GOSR2: variants seen among roughly 807,000 people sequenced by gnomAD.
The protein encoded by GOSR2 is golgi SNAP receptor complex member 2.
In GOSR2, 20 loss-of-function variants were observed where a neutral mutation model predicts 27.9. The observed-to-expected ratio is 0.72, with a 90% CI of 0.50 to 1.04. GOSR2 has a LOEUF of 1.04. Among genes scored for constraint, GOSR2 ranks in the 50% least tolerant of loss-of-function variants. The probability of loss-of-function intolerance (pLI) is 0.00; values close to 1 mark genes in which losing one functional copy is unlikely to be tolerated. For missense variants in GOSR2, 261 were observed against 270.5 expected (o/e 0.97, Z 0.25); for synonymous variants, 91 against 98.8 (o/e 0.92, Z 0.47).
chr17:46,955,023 A>G (rs1271455155), intron 6 of GOSR2, among the ~76,000 whole-genome samples: 1 of 152,158 alleles, frequency 6.6e-6, no homozygotes, highest in Non-Finnish European at 1.5e-5. Context: ...CTTCTGCCTG[A>G]TTGCCCTGGC....
chr17:46,965,362 G>T (rs767817307), intron 6 of GOSR2, among the ~76,000 whole-genome samples: 3 of 152,230 alleles, frequency 2.0e-5, no homozygotes, highest in Non-Finnish European at 4.4e-5. Flanking sequence ...GACAAGAAGT[G>T]CTGGGACAAG....
chr17:46,940,545 T>A lies in GOSR2; in HGVS notation c.*1785T>A, dbSNP rs1226288180. 1 of 1,614,072 alleles carries A rather than the reference T, an allele frequency of 6.2e-7. No individual in the cohort carries two copies. Among genetic ancestry groups the A allele is most frequent in the African/African-American group, 1.3e-5 (1 of 74,938 alleles). Reference sequence around the variant, plus strand: ...TGAGACTGCGACGGCAAGGCTGTCCTGTCCCCCAGGCACCCAAGGATCCTG... The same window carrying A: ...TGAGACTGCGACGGCAAGGCTGTCCAGTCCCCCAGGCACCCAAGGATCCTG... On this transcript the variant is annotated 3_prime_UTR_variant, in exon 6 of 6. Coordinates refer to ENST00000640051, the MANE Select transcript of GOSR2 (RefSeq NM_004287.5).
downstream of GOSR2, among the ~76,000 whole-genome samples, chr17:46,945,644 G>A (rs984880918): frequency 2.0e-5 from 3 of 152,100 alleles, no homozygotes; most frequent in East Asian, 1.9e-4. Context: ...TTTCCAGCCC[G>A]AGCAACAGGA....
At chr17:46,928,891 T>TA (rs1338187365) in intron 1 of GOSR2, among the ~76,000 whole-genome samples, 1 of 152,138 alleles carries the variant, frequency 6.6e-6, no homozygotes, top group Non-Finnish European at 1.5e-5. Flanking sequence ...CCACATAACT[T>TA]ACCTGGTTTC....
At chr17:46,927,575 T>C (rs1457891146) in intron 1 of GOSR2, among the ~76,000 whole-genome samples, 2 of 152,256 alleles carry the variant, frequency 1.3e-5, no homozygotes, top group African/African-American at 4.8e-5. Context: ...ATGTGTTACC[T>C]GAGGTGGCCT....
chr17:46,943,059 C>T (rs757093313), downstream of GOSR2, among the ~76,000 whole-genome samples: 1 of 152,170 alleles, frequency 6.6e-6, no homozygotes, highest in East Asian at 1.9e-4. Context: ...GGAGTGCAGC[C>T]GGGGCATTGG....
At chr17:46,929,429 T>G in intron 1 of GOSR2, 91 bp from the exon 2 acceptor site, 2 of 767,070 alleles carry the variant, frequency 2.6e-6, no homozygotes, top group East Asian at 5.0e-5. Context: ...TTTAAATCAG[T>G]TACATGTTGG....
At chr17:46,929,469 G>A (rs1211524161) in intron 1 of GOSR2, 51 bp from the exon 2 acceptor site, 2 of 906,030 alleles carry the variant, frequency 2.2e-6, no homozygotes, top group Admixed American at 1.7e-5. Context: ...CCTGACTGAA[G>A]CGCTGTTGAT....
At chr17:46,928,915 C>T (rs984669341) in intron 1 of GOSR2, among the ~76,000 whole-genome samples, 2 of 152,120 alleles carry the variant, frequency 1.3e-5, no homozygotes, top group Admixed American at 1.3e-4. Context: ...TTCTCAGCCC[C>T]ACCCCTCTGT....
downstream of GOSR2, among the ~76,000 whole-genome samples, chr17:46,970,699 G>A (rs1313237182): frequency 6.6e-6 from 1 of 152,206 alleles, no homozygotes; most frequent in Admixed American, 6.5e-5. Flanking sequence ...CGGGGGCTCA[G>A]AGACCCGGAA....
intron 6 of GOSR2, among the ~76,000 whole-genome samples, chr17:46,965,324 A>T (rs2091266356): frequency 6.6e-6 from 1 of 152,228 alleles, no homozygotes; most frequent in Non-Finnish European, 1.5e-5. Context: ...TGCCCTGCTC[A>T]TGACAAAGCC....
chr17:46,941,997 TA>T lies in GOSR2; in HGVS notation c.*3240del, dbSNP rs2089344330. 2 of 975,508 alleles carry T rather than the reference TA, an allele frequency of 2.1e-6. No individual in the cohort carries two copies. The highest frequency in any genetic ancestry group is 6.2e-5 in the Admixed American group (1 of 16,260). 60.4% of individuals were successfully genotyped at this position (975,508 alleles called of 1,614,324 possible). On this transcript the variant is annotated 3_prime_UTR_variant, in exon 6 of 6. Transcript: ENST00000640051. Reference sequence around the variant, plus strand: ...AGAGCAAAACTTGTTAAGTCCAAAATAAATTCTTACTGTTTATATCCTACCT... The same window carrying T: ...AGAGCAAAACTTGTTAAGTCCAAAATAATTCTTACTGTTTATATCCTACCT...
chr17:46,926,052 C>A (rs1286903684), intron 1 of GOSR2, among the ~76,000 whole-genome samples: 1 of 152,172 alleles, frequency 6.6e-6, no homozygotes. Context: ...AGAAGCACTA[C>A]ATTTAACAAG....
chr17:46,970,208 A>C (rs1352489292), downstream of GOSR2, among the ~76,000 whole-genome samples: 2 of 152,166 alleles, frequency 1.3e-5, no homozygotes, highest in Non-Finnish European at 2.9e-5. Flanking sequence ...AAACAGGTAC[A>C]GCTTCCATCC....
chr17:46,962,781 T>G (rs3851785), intron 6 of GOSR2, among the ~76,000 whole-genome samples: 67,933 of 152,046 alleles, frequency 0.45, 15,401 homozygotes, highest in South Asian at 0.52. Flanking sequence ...TGAGCCCAGT[T>G]AACCTGCAGG....
rs1292053427 is a variant in GOSR2 at position 46,939,738 on chromosome 17, G to A, written c.*978G>A. ...CCGTGGAGACATCTGTAGTGTGTAT[G>A]TCCTTGTAACACTCTGTTTTCAGGG... is the stretch of plus-strand genomic sequence containing the variant. On this transcript the variant is annotated 3_prime_UTR_variant, in exon 6 of 6. Coordinates refer to ENST00000640051, the MANE Select transcript of GOSR2 (RefSeq NM_004287.5). 1 of 987,278 alleles carries A rather than the reference G, an allele frequency of 1.0e-6. No individual in the cohort carries two copies. The highest frequency in any genetic ancestry group is 1.2e-6 in the Non-Finnish European group (1 of 831,184). The allele number at this position is 987,278 out of a possible 1,614,324, so 61.2% of individuals were successfully genotyped here.
intron 1 of GOSR2, among the ~76,000 whole-genome samples, chr17:46,925,875 A>G (rs2086424414): frequency 6.6e-6 from 1 of 152,238 alleles, no homozygotes; most frequent in Non-Finnish European, 1.5e-5. Flanking sequence ...AATGAAAACA[A>G]TAAACATTTT....
chr17:46,963,876 G>C (rs375771917), intron 6 of GOSR2: 3 of 152,378 alleles, frequency 2.0e-5, no homozygotes, highest in Middle Eastern at 3.4e-3. Context: ...GAGTGCAATA[G>C]CACAATAAGA....
intron 6 of GOSR2, among the ~76,000 whole-genome samples, chr17:46,956,385 G>T (rs972664312): frequency 1.3e-4 from 19 of 145,896 alleles, no homozygotes; most frequent in African/African-American, 4.6e-4. Flanking sequence ...CCACCTCCCG[G>T]GTTCAAGCGA....
Sources: gnomAD v4.1 joint callset for allele counts (sites outside exome capture counted in the v4.1 genomes callset) on GRCh38, gnomAD v4.1.1 for gene constraint, MANE v1.5 for transcripts, NCBI Gene and HGNC (gene_info 2026-07-23, HGNC 2026-07-21) for gene names.